The following GREB1L variants were observed in gnomAD, a reference collection of about 807,000 sequenced individuals.
GREB1L encodes GREB1 like retinoic acid receptor coactivator, also known as GREB1-like protein.
In GREB1L, 17 loss-of-function variants were observed where a neutral mutation model predicts 200.8. The ratio of observed to expected loss-of-function variants is 0.08; its 90% confidence interval spans 0.06 to 0.13. The LOEUF is 0.13. Ranked by LOEUF, GREB1L falls within the 10% of genes least tolerant of loss-of-function variation. GREB1L has a pLI of 1.00. For missense variants in GREB1L, 1,657 were observed against 2,367.7 expected (o/e 0.70, Z 6.23); for synonymous variants, 789 against 893.0 (o/e 0.88, Z 2.08).
At chr18:21,435,075 G>A (rs2145162540) in intron 7 of GREB1L, 1 of 152,754 alleles carries the variant, frequency 6.5e-6, no homozygotes, top group East Asian at 1.9e-4. Context: ...TTTTGCTGCA[G>A]GTGATGTTTT....
At chr18:21,413,319 G>GTA (rs1483717739) in intron 7 of GREB1L, among the ~76,000 whole-genome samples, 1 of 152,130 alleles carries the variant, frequency 6.6e-6, no homozygotes, top group Non-Finnish European at 1.5e-5. Flanking sequence ...GTATGGGAGT[G>GTA]TATCATTCAA....
chr18:21,409,768 T>G (rs1175547781), intron 7 of GREB1L, among the ~76,000 whole-genome samples: 3 of 152,176 alleles, frequency 2.0e-5, no homozygotes, highest in Non-Finnish European at 4.4e-5. Context: ...GCCAATCAAT[T>G]TTTCTGTGCC....
chr18:21,377,628 G>A (rs1598719271), intron 2 of GREB1L, among the ~76,000 whole-genome samples: 4 of 152,104 alleles, frequency 2.6e-5, no homozygotes, highest in Non-Finnish European at 4.4e-5. Context: ...CCTGGGAGGC[G>A]GAGGTTGCAG....
chr18:21,307,445 T>G (rs2038718149), intron 1 of GREB1L, among the ~76,000 whole-genome samples: 1 of 152,166 alleles, frequency 6.6e-6, no homozygotes, highest in Admixed American at 6.5e-5. Flanking sequence ...GTTTTTAAAT[T>G]AGAGAGGTGG....
intron 1 of GREB1L, among the ~76,000 whole-genome samples, chr18:21,350,298 C>T (rs1332370420): frequency 4.1e-5 from 6 of 147,396 alleles, no homozygotes; most frequent in South Asian, 2.1e-4. Context: ...AGTGCAATGG[C>T]GTGATCTCAG....
chr18:21,385,475 A>G (rs554263522), intron 4 of GREB1L, among the ~76,000 whole-genome samples: 10 of 151,904 alleles, frequency 6.6e-5, no homozygotes, highest in South Asian at 2.1e-4. Context: ...TAAGTGCCCA[A>G]TTCACTAAAG....
chr18:21,382,386 C>G (rs1465526864), intron 2 of GREB1L, among the ~76,000 whole-genome samples: 2 of 152,086 alleles, frequency 1.3e-5, no homozygotes, highest in South Asian at 2.1e-4. Context: ...TGTGGACCAT[C>G]AGAAGGGTAG....
intron 19 of GREB1L, among the ~76,000 whole-genome samples, chr18:21,491,411 G>A (rs565666896): frequency 6.6e-6 from 1 of 152,236 alleles, no homozygotes; most frequent in East Asian, 1.9e-4. Context: ...ATTATTTAGT[G>A]TTCAAAAATT....
chr18:21,483,793 T>C (rs1041113705), intron 17 of GREB1L, among the ~76,000 whole-genome samples: 3 of 151,316 alleles, frequency 2.0e-5, no homozygotes, highest in African/African-American at 7.3e-5. Flanking sequence ...CCTGCTAACA[T>C]GGTGAAATCT....
intron 14 of GREB1L, 59 bp downstream of exon 14, chr18:21,452,276 C>G (rs1420058710): frequency 6.8e-7 from 1 of 1,476,800 alleles, no homozygotes; most frequent in Non-Finnish European, 9.1e-7. Context: ...ATTGTAAAAA[C>G]TAAGTCATTC....
intron 1 of GREB1L, among the ~76,000 whole-genome samples, chr18:21,334,592 C>T (rs531727551): frequency 3.9e-5 from 6 of 152,102 alleles, no homozygotes; most frequent in South Asian, 2.1e-4. Flanking sequence ...AGTGAAACCC[C>T]GTCTCTACTA....
At chr18:21,393,738 A>G (rs749628810) in intron 4 of GREB1L, among the ~76,000 whole-genome samples, 27 of 151,876 alleles carry the variant, frequency 1.8e-4, no homozygotes, top group Non-Finnish European at 3.4e-4. Flanking sequence ...CTTTTTTTGT[A>G]TTTTTAATAG....
At chr18:21,271,041 A>G (rs1476629023) in intron 1 of GREB1L, among the ~76,000 whole-genome samples, 1 of 152,230 alleles carries the variant, frequency 6.6e-6, no homozygotes, top group Non-Finnish European at 1.5e-5. Flanking sequence ...CAAAGCCTGA[A>G]CTATTAGCCA....
At chr18:21,508,327 G>A in intron 26 of GREB1L, 48 bp downstream of exon 26, 1 of 1,550,818 alleles carries the variant, frequency 6.4e-7, no homozygotes, top group Non-Finnish European at 8.7e-7. Context: ...AGTTCTTTAA[G>A]CGTCTTCAAT....
chr18:21,246,060 T>G (rs2037595400), intron 1 of GREB1L, among the ~76,000 whole-genome samples: 1 of 152,208 alleles, frequency 6.6e-6, no homozygotes, highest in Admixed American at 6.5e-5. Context: ...TTATTTCTTT[T>G]CTTTTCTTCT....
At chr18:21,281,051 C>A (rs1182597702) in intron 1 of GREB1L, among the ~76,000 whole-genome samples, 1 of 152,156 alleles carries the variant, frequency 6.6e-6, no homozygotes, top group African/African-American at 2.4e-5. Flanking sequence ...ATGGCACCCC[C>A]ACCCACAACT....
chr18:21,268,568 T>TATATATATATATATATATAC (rs2038023361), intron 1 of GREB1L, among the ~76,000 whole-genome samples: 1 of 97,440 alleles, frequency 1.0e-5, no homozygotes, highest in East Asian at 2.5e-4. Flanking sequence ...CACATATATA[T>TATATATATATATATATATAC]ATATATATAT....
intron 1 of GREB1L, among the ~76,000 whole-genome samples, chr18:21,343,227 A>G (rs568701786): frequency 2.0e-5 from 3 of 152,222 alleles, no homozygotes; most frequent in South Asian, 4.1e-4. Flanking sequence ...ATCATAGTGA[A>G]CTAAAGTGCC....
At chr18:21,425,652 A>G (rs565916321) in intron 7 of GREB1L, among the ~76,000 whole-genome samples, 1 of 152,368 alleles carries the variant, frequency 6.6e-6, no homozygotes, top group East Asian at 1.9e-4. Flanking sequence ...GATGTTGAGC[A>G]TCTTGTCATG....
Sources: gnomAD v4.1 joint callset for allele counts (sites outside exome capture counted in the v4.1 genomes callset) on GRCh38, gnomAD v4.1.1 for gene constraint, MANE v1.5 for transcripts, NCBI Gene and HGNC (gene_info 2026-07-23, HGNC 2026-07-21) for gene names.